The following KCND3 variants were observed in gnomAD, a reference collection of about 807,000 sequenced individuals.
The protein encoded by KCND3 is potassium voltage-gated channel subfamily D member 3.
Under a neutral mutation model 51.1 loss-of-function variants are expected in KCND3, and 9 were observed. The observed-to-expected ratio is 0.18, with a 90% CI of 0.11 to 0.31. The LOEUF (loss-of-function observed/expected upper bound fraction) is 0.31, where lower values mean the gene tolerates loss of function less well. Ranked by LOEUF, KCND3 falls within the 10% of genes least tolerant of loss-of-function variation. The pLI is 1.00. For missense variants in KCND3, 526 were observed against 903.8 expected (o/e 0.58, Z 5.36); for synonymous variants, 349 against 368.0 (o/e 0.95, Z 0.59).
In KCND3 at chr1:111,968,944, G is replaced by A. The variant is rs143996554; in HGVS notation, c.1106+12677C>T. ...CCAGAATCTCTCAAGAGCAGGAGAC[G>A]GCATGAGATTTTAAAAGTTATTATA... On this transcript the variant is annotated intron_variant, in intron 2 of 7. Coordinates refer to ENST00000302127, the MANE Select transcript of KCND3 (RefSeq NM_001378969.1). Among the ~76,000 whole-genome samples the A allele has an allele frequency of 3.4e-3, 520 of 152,138 alleles. 3 individuals are homozygous for A. Among genetic ancestry groups the A allele is most frequent in the African/African-American group, 0.012 (496 of 41,496 alleles).
intron 2 of KCND3, among the ~76,000 whole-genome samples, chr1:111,825,055 G>A (rs552904102): frequency 2.6e-5 from 4 of 152,232 alleles, no homozygotes; most frequent in Middle Eastern, 3.4e-3. Context: ...ATCAAATTAA[G>A]ACTTCTCTTT....
intron 2 of KCND3, among the ~76,000 whole-genome samples, chr1:111,895,188 A>AGGAGGGGGAGGAGGCAGGGTGAGGAC (rs1438735390): frequency 8.0e-6 from 1 of 125,718 alleles, no homozygotes; most frequent in African/African-American, 3.1e-5. Flanking sequence ...ACCAAGAGCA[A>AGGAGGGGGAGGAGGCAGGGTGAGGAC]GGAGGGGGAG....
At chr1:111,786,722 G>A (rs1664619106) in intron 3 of KCND3, among the ~76,000 whole-genome samples, 1 of 152,110 alleles carries the variant, frequency 6.6e-6, no homozygotes, top group South Asian at 2.1e-4. Context: ...GTCCAAAGGG[G>A]GATAATCAGC....
rs1007941720 is a variant in KCND3, at chr1:111,771,605, A to G, written c.*4472T>C. 3 of 152,238 alleles carry G rather than the reference A, an allele frequency of 2.0e-5. No individual in the cohort carries two copies. Among genetic ancestry groups the G allele is most frequent in the African/African-American group, 7.2e-5 (3 of 41,468 alleles). 9.4% of individuals were successfully genotyped at this position (152,238 alleles called of 1,614,324 possible). On this transcript the variant is annotated 3_prime_UTR_variant, in exon 8 of 8. Coordinates refer to ENST00000302127, the MANE Select transcript of KCND3 (RefSeq NM_001378969.1). ...AACTTAAGGAAAAACTCTTAAGTAC[A>G]TAATGTCCCAATGTACATTTTCCTT...
At chr1:111,875,263 T>C (rs1669001217) in intron 2 of KCND3, among the ~76,000 whole-genome samples, 1 of 152,160 alleles carries the variant, frequency 6.6e-6, no homozygotes, top group Admixed American at 6.5e-5. Flanking sequence ...TTTTTGTTTG[T>C]AGTTAGAGGG....
intron 2 of KCND3, among the ~76,000 whole-genome samples, chr1:111,809,017 T>A (rs1446845955): frequency 6.6e-6 from 1 of 152,202 alleles, no homozygotes; most frequent in Non-Finnish European, 1.5e-5. Flanking sequence ...GCCAGTGACC[T>A]GTCTCCCTTT....
intron 2 of KCND3, among the ~76,000 whole-genome samples, chr1:111,926,814 G>A (rs917810947): frequency 4.6e-5 from 7 of 152,264 alleles, no homozygotes; most frequent in African/African-American, 7.2e-5. Context: ...CTGCTAGATC[G>A]TCAGCCTGGT....
chr1:111,916,199 G>A (rs903125072), intron 2 of KCND3, among the ~76,000 whole-genome samples: 4 of 152,112 alleles, frequency 2.6e-5, no homozygotes, highest in Non-Finnish European at 4.4e-5. Flanking sequence ...AATATATTGT[G>A]ATAGAATGAA....
intron 2 of KCND3, among the ~76,000 whole-genome samples, chr1:111,837,853 G>A (rs1473321723): frequency 6.6e-6 from 1 of 152,168 alleles, no homozygotes; most frequent in Admixed American, 6.5e-5. Context: ...TGATGACACT[G>A]AGAGTGTTGA....
chr1:111,826,611 A>G (rs1400776835), intron 2 of KCND3, among the ~76,000 whole-genome samples: 1 of 152,148 alleles, frequency 6.6e-6, no homozygotes, highest in Non-Finnish European at 1.5e-5. Flanking sequence ...TTGGGTCAAG[A>G]GGTCACTCAC....
chr1:111,966,584 G>A (rs1016840827), intron 2 of KCND3, among the ~76,000 whole-genome samples: 3 of 152,076 alleles, frequency 2.0e-5, no homozygotes, highest in South Asian at 2.1e-4. Context: ...ACCCACCGAC[G>A]GACTTCACTC....
intron 2 of KCND3, among the ~76,000 whole-genome samples, chr1:111,959,493 C>T (rs1327933688): frequency 1.3e-5 from 2 of 152,182 alleles, no homozygotes; most frequent in Non-Finnish European, 2.9e-5. Flanking sequence ...GAGGGTCTCT[C>T]TCCTTCCTAA....
intron 2 of KCND3, among the ~76,000 whole-genome samples, chr1:111,928,497 A>G (rs966618245): frequency 6.6e-6 from 1 of 152,232 alleles, no homozygotes; most frequent in East Asian, 1.9e-4. Context: ...CTGGCTGTGG[A>G]GCCCACTCCT....
chr1:111,793,745 A>C (rs533470068), intron 2 of KCND3, among the ~76,000 whole-genome samples: 2 of 152,240 alleles, frequency 1.3e-5, no homozygotes, highest in African/African-American at 4.8e-5. Context: ...TGATTCTCTG[A>C]GTCCTAATGG....
chr1:111,888,815 A>G (rs1357328230), intron 2 of KCND3, among the ~76,000 whole-genome samples: 1 of 152,086 alleles, frequency 6.6e-6, no homozygotes, highest in Non-Finnish European at 1.5e-5. Flanking sequence ...GGAGCAGCAC[A>G]GAGAGGCAAG....
At position 111,773,382 on chromosome 1, in the gene KCND3, G is replaced by T. The variant is rs943894430; in HGVS notation, c.*2695C>A. ...AATTCATCACAGGAAGTTTGTATGTGTGTGCAACCAGTTCTAATTTACCTC... is the reference window on the plus strand; with the variant it reads ...AATTCATCACAGGAAGTTTGTATGTTTGTGCAACCAGTTCTAATTTACCTC... On this transcript the variant is annotated 3_prime_UTR_variant, in exon 8 of 8. Transcript: ENST00000302127. The T allele has an allele frequency of 6.7e-6, 1 of 148,624 alleles. No homozygotes were observed. Among genetic ancestry groups the T allele is most frequent in the South Asian group, 2.1e-4 (1 of 4,660 alleles). 9.2% of individuals were successfully genotyped at this position (148,624 alleles called of 1,614,324 possible). A position where few individuals can be genotyped will look rare whatever the true frequency, so the allele number is the denominator to read the frequency against.
intron 2 of KCND3, among the ~76,000 whole-genome samples, chr1:111,938,444 T>C (rs181348761): frequency 1.1e-3 from 165 of 152,260 alleles, no homozygotes; most frequent in Admixed American, 2.7e-3. Context: ...AATAAAGCAG[T>C]GAAGTCCCTG....
chr1:111,846,573 C>T (rs971152509), intron 2 of KCND3, among the ~76,000 whole-genome samples: 3 of 152,296 alleles, frequency 2.0e-5, no homozygotes, highest in African/African-American at 7.2e-5. Context: ...TTCCTATGTA[C>T]CCAGGTTAAG....
At chr1:111,840,680 C>T (rs1044499577) in intron 2 of KCND3, among the ~76,000 whole-genome samples, 1 of 152,162 alleles carries the variant, frequency 6.6e-6, no homozygotes, top group Non-Finnish European at 1.5e-5. Context: ...CCTGTCCCAC[C>T]TAAGCTGTAT....
Sources: gnomAD v4.1 joint callset for allele counts (sites outside exome capture counted in the v4.1 genomes callset) on GRCh38, gnomAD v4.1.1 for gene constraint, MANE v1.5 for transcripts, NCBI Gene and HGNC (gene_info 2026-07-23, HGNC 2026-07-21) for gene names.